Variants in FAM107A observed in about 807,000 individuals in gnomAD.
FAM107A encodes the protein actin-associated protein FAM107A.
FAM107A carries 19 observed loss-of-function variants against 13.7 expected under a neutral mutation model. That is an observed-to-expected ratio of 1.38 (90% CI 0.97 to 2.03). FAM107A has a LOEUF of 2.03. Ranked by LOEUF, FAM107A falls within the 30% of genes most tolerant of loss-of-function variation. The probability of loss-of-function intolerance (pLI) is 0.00; values close to 1 mark genes in which losing one functional copy is unlikely to be tolerated. For synonymous variants in FAM107A, 82 were observed against 74.5 expected (o/e 1.10, Z -0.52); for missense variants, 203 against 184.4 (o/e 1.10, Z -0.58).
At chr3:58,610,404 G>A (rs1465030932) in intron 1 of FAM107A, among the ~76,000 whole-genome samples, 4 of 152,128 alleles carry the variant, frequency 2.6e-5, no homozygotes, top group African/African-American at 4.8e-5. Context: ...TGAGAAGCTC[G>A]CTGTCAGTGG....
chr3:58,577,955 A>G (rs182297385), upstream of FAM107A, among the ~76,000 whole-genome samples: 140 of 152,192 alleles, frequency 9.2e-4, no homozygotes, highest in African/African-American at 3.2e-3. This position sits in a 1 kb window ranked among gnomAD's most constrained non-coding sequence, Gnocchi z 4.9. Flanking sequence ...AGCGTGGGAG[A>G]GGGGATGCAC....
At chr3:58,611,138 T>C (rs1428212031) in intron 1 of FAM107A, among the ~76,000 whole-genome samples, 1 of 152,244 alleles carries the variant, frequency 6.6e-6, no homozygotes, top group Non-Finnish European at 1.5e-5. Flanking sequence ...ACTGTAAGTT[T>C]CCTGAGGCCT....
At position 58,617,054 on chromosome 3, in the gene FAM107A, G is replaced by T. The variant is rs1012434657; in HGVS notation, c.-70+10362C>A. ...CCCAAAGTGCTGGGATTACAGGCGTGAGCCACCGCGCCTGGCCTCGGCTAC... is the reference window on the plus strand; with the variant it reads ...CCCAAAGTGCTGGGATTACAGGCGTTAGCCACCGCGCCTGGCCTCGGCTAC... On this transcript the variant is annotated intron_variant, in intron 1 of 3. Transcript: ENST00000465970. This position sits in a 1 kb window ranked among gnomAD's most constrained non-coding sequence, Gnocchi z 4.5. 6.6e-6 allele frequency among the ~76,000 whole-genome samples: 1 copy of T among 152,148 alleles called. No individual in the cohort carries two copies. Among genetic ancestry groups the T allele is most frequent in the Non-Finnish European group, 1.5e-5 (1 of 68,026 alleles).
In FAM107A at chr3:58,569,748, A is replaced by G. The variant is rs112161868; in HGVS notation, c.113T>C (p.Val38Ala). 6.2e-7 allele frequency: 1 copy of G among 1,613,908 alleles called. No homozygotes were observed. The highest frequency in any genetic ancestry group is 8.5e-7 in the Non-Finnish European group (1 of 1,179,944). ...CTCCTGGTGACTCCGAGAGGCCTTC[A>G]CGGGGTTCAGCAGCTTCTTGGGCTT... ...LIKPKKLLNP[V>A]KASRSHQELH... Residue 38 changes from valine to alanine, a missense_variant, in exon 2 of 4, where the codon GTG (valine) becomes GCG (alanine). Physicochemically the swap from Val to Ala is moderately conservative, Grantham distance 64 (BLOSUM62 0). Transcript: ENST00000360997. This position sits in a 1 kb window ranked among gnomAD's most constrained non-coding sequence, Gnocchi z 5.7.
intron 1 of FAM107A, among the ~76,000 whole-genome samples, chr3:58,598,727 C>G (rs749216005): frequency 6.6e-6 from 1 of 152,202 alleles, no homozygotes; most frequent in Non-Finnish European, 1.5e-5. Flanking sequence ...TGAGTCATCA[C>G]TCTTTTTGAT....
upstream of FAM107A, among the ~76,000 whole-genome samples, chr3:58,580,965 T>C (rs184304367): frequency 2.6e-5 from 4 of 151,616 alleles, no homozygotes; most frequent in East Asian, 3.9e-4. Context: ...TCTGGCTCAG[T>C]TATGTCATCA....
upstream of FAM107A, among the ~76,000 whole-genome samples, chr3:58,579,735 C>G (rs2065508727): frequency 6.6e-6 from 1 of 152,174 alleles, no homozygotes; most frequent in Non-Finnish European, 1.5e-5. Context: ...CCGGAGAAGA[C>G]AGAAGCCCAT....
intron 1 of FAM107A, among the ~76,000 whole-genome samples, chr3:58,572,172 T>C (rs966794359): frequency 2.6e-5 from 4 of 151,752 alleles, no homozygotes; most frequent in African/African-American, 9.7e-5. Flanking sequence ...AAAATAGTCA[T>C]GCATTCCACA....
At chr3:58,614,176 T>C (rs1454446281) in intron 1 of FAM107A, among the ~76,000 whole-genome samples, 1 of 152,212 alleles carries the variant, frequency 6.6e-6, no homozygotes, top group Non-Finnish European at 1.5e-5. Context: ...GAGGTGTCAG[T>C]GGGATGTGGC....
rs1344878838 is a variant in FAM107A, at chr3:58,586,880, G to C, written c.57C>G (p.Tyr19Ter). 6.5e-7 allele frequency: 1 copy of C among 1,533,274 alleles called. No individual in the cohort carries two copies. The highest frequency in any genetic ancestry group is 2.0e-5 in the Admixed American group (1 of 50,840). 95.0% of individuals were successfully genotyped at this position (1,533,274 alleles called of 1,614,324 possible). ...TACCCGACCGGAGCAGCACAGCCCG[G>C]TAGAGCCCGGTGGCATCGGAGGGCC... Residue 19 changes from tyrosine to a stop codon, truncating the protein, a stop_gained, in exon 1 of 4, where the codon TAC (tyrosine) becomes TAG (stop). Coordinates refer to the FAM107A transcript ENST00000447756. LOFTEE classifies it high-confidence loss of function.
intron 1 of FAM107A, among the ~76,000 whole-genome samples, chr3:58,606,466 T>C (rs2108074389): frequency 6.6e-6 from 1 of 152,356 alleles, no homozygotes; most frequent in African/African-American, 2.4e-5. Context: ...ACTCTCTTGC[T>C]CTGCTGCCTT....
Position 58,615,552 on chromosome 3 carries a change from T to G in FAM107A, c.-70+11864A>C, listed in dbSNP as rs150118290. Among the ~76,000 whole-genome samples the G allele has an allele frequency of 1.6e-3, 239 of 152,276 alleles. 1 individual carries two copies. Among genetic ancestry groups the G allele is most frequent in the Non-Finnish European group, 2.6e-3 (175 of 68,022 alleles). ...TAATTTCAGATGGTGGTAAGCTCTG[T>G]GAAGGAACTGCAGGACTTGGGACCA... On this transcript the variant is annotated intron_variant, in intron 1 of 3. Transcript: ENST00000465970.
At chr3:58,575,751 C>T (rs1241599301) in intron 1 of FAM107A, among the ~76,000 whole-genome samples, 2 of 152,240 alleles carry the variant, frequency 1.3e-5, no homozygotes, top group Non-Finnish European at 1.5e-5. Flanking sequence ...TCCTAGCCTA[C>T]GTGAAATGCA....
chr3:58,584,783 T>C (rs991283606), intron 1 of FAM107A, among the ~76,000 whole-genome samples: 5 of 152,192 alleles, frequency 3.3e-5, no homozygotes, highest in Non-Finnish European at 7.3e-5. Flanking sequence ...ATCCTCTTCA[T>C]CTACATAGGA....
intron 1 of FAM107A, among the ~76,000 whole-genome samples, chr3:58,605,960 C>T (rs2065790978): frequency 6.6e-6 from 1 of 152,244 alleles, no homozygotes; most frequent in Non-Finnish European, 1.5e-5. Context: ...ATCACCAAGG[C>T]AGCAGCATTT....
chr3:58,624,698 C>T (rs759422669), intron 1 of FAM107A, among the ~76,000 whole-genome samples: 43 of 151,878 alleles, frequency 2.8e-4, no homozygotes, highest in Non-Finnish European at 4.7e-4. Context: ...CTGACATTCC[C>T]CAGGGGACAA....
At position 58,613,956 on chromosome 3, in the gene FAM107A, G is replaced by A. The variant is rs1287521616; in HGVS notation, c.-70+13460C>T. The stretch of plus-strand genomic sequence containing the variant: ...CTGCTGTACCTGGGAAGTGCCAGTG[G>A]GCTGGACCGGATCAGCATCAGTCAC... On this transcript the variant is annotated intron_variant, in intron 1 of 3. Coordinates refer to the FAM107A transcript ENST00000465970. This position sits in a 1 kb window ranked among gnomAD's most constrained non-coding sequence, Gnocchi z 4.6. Among the ~76,000 whole-genome samples the A allele has an allele frequency of 1.3e-5, 2 of 152,224 alleles. No homozygotes were observed. The highest frequency in any genetic ancestry group is 6.5e-5 in the Admixed American group (1 of 15,288).
chr3:58,584,992 G>A (rs1003789950), intron 1 of FAM107A, among the ~76,000 whole-genome samples: 9 of 152,092 alleles, frequency 5.9e-5, no homozygotes, highest in African/African-American at 2.2e-4. Flanking sequence ...TGTTCATGAC[G>A]CCAAGAACCT....
In FAM107A at chr3:58,617,178, C is replaced by T. The variant is rs772198185; in HGVS notation, c.-70+10238G>A. On this transcript the variant is annotated intron_variant, in intron 1 of 3. Coordinates refer to the FAM107A transcript ENST00000465970. This position sits in a 1 kb window ranked among gnomAD's most constrained non-coding sequence, Gnocchi z 4.5. ...AGAGTCAGCATGGGACCTTCACAGA[C>T]GCTGGCCGGTTCAGGGCCTGCAGGT... 1.6e-4 allele frequency among the ~76,000 whole-genome samples: 25 copies of T among 152,180 alleles called. No individual in the cohort carries two copies. Among genetic ancestry groups the T allele is most frequent in the South Asian group, 6.2e-4 (3 of 4,836 alleles).
Sources: gnomAD v4.1 joint callset for allele counts (sites outside exome capture counted in the v4.1 genomes callset) on GRCh38, gnomAD v4.1.1 for gene constraint, Gnocchi (gnomAD v3.1) non-coding constraint, MANE v1.5 for transcripts, NCBI Gene and HGNC (gene_info 2026-07-23, HGNC 2026-07-21) for gene names.